The following MYH9 variants were observed in gnomAD, a reference collection of about 807,000 sequenced individuals.
MYH9 encodes the protein myosin-9.
In MYH9, 29 loss-of-function variants were observed where a neutral mutation model predicts 241.9. That is an observed-to-expected ratio of 0.12 (90% CI 0.09 to 0.16). The LOEUF (loss-of-function observed/expected upper bound fraction) is 0.16. Ranked by LOEUF, MYH9 falls within the 10% of genes least tolerant of loss-of-function variation. The pLI is 1.00. For missense variants in MYH9, 1,803 were observed against 2,595.5 expected (o/e 0.69, Z 6.63); for synonymous variants, 1,047 against 1,062.6 (o/e 0.99, Z 0.29).
At chr22:36,374,522 A>G (rs1026234235) in intron 1 of MYH9, among the ~76,000 whole-genome samples, 10 of 152,204 alleles carry the variant, frequency 6.6e-5, no homozygotes, top group Admixed American at 1.3e-4. Context: ...TCTGTTTCAA[A>G]TAATAATAAT....
Position 36,319,576 on chromosome 22 carries a change from GC to G in MYH9, c.1071del (p.Glu357AspfsTer26). The G allele has an allele frequency of 6.2e-7, 1 of 1,614,114 alleles. No homozygotes were observed. The highest frequency in any genetic ancestry group is 8.5e-7 in the Non-Finnish European group (1 of 1,180,020). ...LQLGNIVFKK[E>X]RNTDQASMPD... ...GGCATGGACGCCTGGTCAGTGTTCC[GC>G]TCCTTCTTGAAGACGATGTTGCCGA... is the stretch of plus-strand genomic sequence containing the variant. On this transcript the variant is annotated frameshift_variant, in exon 10 of 41. Coordinates refer to ENST00000216181, the MANE Select transcript of MYH9 (RefSeq NM_002473.6). LOFTEE classifies it high-confidence loss of function.
At chr22:36,387,096 G>A (rs866318610) in intron 1 of MYH9, among the ~76,000 whole-genome samples, 1 of 152,238 alleles carries the variant, frequency 6.6e-6, no homozygotes, top group Non-Finnish European at 1.5e-5. Context: ...AGCAGGGACT[G>A]GGGGTGGCCC....
At chr22:36,296,808 C>A in intron 25 of MYH9, 35 bp downstream of exon 25, 1 of 1,579,708 alleles carries the variant, frequency 6.3e-7, no homozygotes, top group Non-Finnish European at 8.6e-7. Context: ...CTGGCCCAGG[C>A]CACCTGGCCT....
chr22:36,299,930 C>T (rs1285342939), intron 23 of MYH9, among the ~76,000 whole-genome samples, 197 bp downstream of exon 23: 1 of 152,204 alleles, frequency 6.6e-6, no homozygotes, highest in Admixed American at 6.5e-5. Context: ...CCCAGGGCCC[C>T]TTTGCTTATG....
intron 1 of MYH9, among the ~76,000 whole-genome samples, chr22:36,381,510 C>A: frequency 7.0e-6 from 1 of 142,896 alleles, no homozygotes; most frequent in African/African-American, 2.7e-5. Context: ...AGCGAGACTC[C>A]ATCTCAAAAA....
intron 5 of MYH9, among the ~76,000 whole-genome samples, chr22:36,323,438 T>G (rs1403185612): frequency 6.6e-6 from 1 of 152,214 alleles, no homozygotes; most frequent in Non-Finnish European, 1.5e-5. Context: ...TTCCCCTTAA[T>G]GCCTGAGTGC....
At chr22:36,299,210 C>A (rs553196347) in intron 23 of MYH9, among the ~76,000 whole-genome samples, 168 bp from the exon 24 acceptor site, 3 of 152,142 alleles carry the variant, frequency 2.0e-5, no homozygotes, top group African/African-American at 7.2e-5. Flanking sequence ...TGAAAGGTCA[C>A]GAGCTCCCCT....
chr22:36,357,083 A>G (rs953937072), intron 1 of MYH9, among the ~76,000 whole-genome samples: 1 of 152,268 alleles, frequency 6.6e-6, no homozygotes, highest in African/African-American at 2.4e-5. Context: ...CACCTACCAT[A>G]GTGGAACATT....
chr22:36,302,142 C>T (rs144362455), intron 20 of MYH9, among the ~76,000 whole-genome samples: 11 of 152,290 alleles, frequency 7.2e-5, no homozygotes, highest in African/African-American at 2.6e-4. Context: ...AAATTAAACA[C>T]TAAAATAGCT....
intron 2 of MYH9, among the ~76,000 whole-genome samples, chr22:36,343,571 C>A (rs1026457102): frequency 1.0e-4 from 15 of 145,348 alleles, no homozygotes; most frequent in Non-Finnish European, 1.7e-4. Flanking sequence ...AAAAAAAGAG[C>A]AGCTGAGCTT....
chr22:36,357,260 A>T (rs187976895), intron 1 of MYH9, among the ~76,000 whole-genome samples: 1 of 152,342 alleles, frequency 6.6e-6, no homozygotes, highest in African/African-American at 2.4e-5. Flanking sequence ...GGGTCCTGGA[A>T]GATGGGTAGA....
chr22:36,341,568 G>C (rs1342647461), intron 2 of MYH9, 42 bp from the exon 3 acceptor site: 31 of 1,606,718 alleles, frequency 1.9e-5, no homozygotes, highest in Non-Finnish European at 2.5e-5. Flanking sequence ...TAGGAAGTTT[G>C]ATTCTCAGTA....
chr22:36,288,149 C>T lies in MYH9; in HGVS notation c.4932+103G>A. 1.4e-6 allele frequency: 2 copies of T among 1,439,748 alleles called. No individual in the cohort carries two copies. The highest frequency in any genetic ancestry group is 1.9e-6 in the Non-Finnish European group (2 of 1,038,184). 89.2% of individuals were successfully genotyped at this position (1,439,748 alleles called of 1,614,324 possible). On this transcript the variant is annotated intron_variant, in intron 34 of 40. Coordinates refer to ENST00000216181, the MANE Select transcript of MYH9 (RefSeq NM_002473.6). The surrounding 1 kb of genome is among the most constrained non-coding windows in gnomAD (Gnocchi z 4.8). ...GCACCCAGGACCTTCCCAGGAGGTG[C>T]CACCCTGCCAGGTTCCCGCCCTGGG...
intron 1 of MYH9, among the ~76,000 whole-genome samples, chr22:36,384,307 G>C (rs1436822591): frequency 6.6e-6 from 1 of 150,634 alleles, no homozygotes; most frequent in Non-Finnish European, 1.5e-5. Context: ...TATGAGCCGG[G>C]CACGGTGGCT....
Position 36,288,715 on chromosome 22 carries a change from G to A in MYH9, c.4770+12C>T, listed in dbSNP as rs778412616. On this transcript the variant is annotated intron_variant, in intron 33 of 40. Coordinates refer to ENST00000216181, the MANE Select transcript of MYH9 (RefSeq NM_002473.6). The surrounding 1 kb of genome is among the most constrained non-coding windows in gnomAD (Gnocchi z 4.8). ...CTTGGGCACCCATGGGGTAGCAGGA[G>A]GCCATGCACACCTGTCTGACCAGCT... 143 of 1,601,102 alleles carry A rather than the reference G, an allele frequency of 8.9e-5. No individual in the cohort carries two copies. The highest frequency in any genetic ancestry group is 1.2e-4 in the Non-Finnish European group (139 of 1,179,912).
chr22:36,343,485 T>A (rs771400066), intron 2 of MYH9, among the ~76,000 whole-genome samples: 1 of 150,988 alleles, frequency 6.6e-6, no homozygotes, highest in African/African-American at 2.4e-5. Flanking sequence ...GAGTTCGAGG[T>A]TGCAGTAAGC....
Position 36,375,586 on chromosome 22 carries a change from C to T in MYH9, c.-20+12221G>A, listed in dbSNP as rs562799105. On this transcript the variant is annotated intron_variant, in intron 1 of 40. Transcript: ENST00000216181. The stretch of plus-strand genomic sequence containing the variant: ...GAAACACAAGTCCTGGAGTGCAGGG[C>T]GTCTCCAAGGCCACAGAGTCAGGAG... Among the ~76,000 whole-genome samples, 3 of 152,348 alleles carry T rather than the reference C, an allele frequency of 2.0e-5. No homozygotes were observed. In the East Asian group the frequency reaches 5.8e-4, roughly 29 times the overall value.
intron 3 of MYH9, among the ~76,000 whole-genome samples, chr22:36,341,138 T>C (rs1463743229): frequency 1.3e-5 from 2 of 152,210 alleles, no homozygotes; most frequent in South Asian, 4.1e-4. Context: ...AGAGAAAGAT[T>C]AGGAAATGTA....
chr22:36,291,019 G>C (rs984975209), intron 31 of MYH9, among the ~76,000 whole-genome samples: 1 of 150,102 alleles, frequency 6.7e-6, no homozygotes, highest in South Asian at 2.1e-4. Context: ...AGTGAGGAGC[G>C]TCTCCGCCCG....
Sources: gnomAD v4.1 joint callset for allele counts (sites outside exome capture counted in the v4.1 genomes callset) on GRCh38, gnomAD v4.1.1 for gene constraint, Gnocchi (gnomAD v3.1) non-coding constraint, MANE v1.5 for transcripts, NCBI Gene and HGNC (gene_info 2026-07-23, HGNC 2026-07-21) for gene names.